The following LRP1B variants were observed in gnomAD, a reference collection of about 807,000 sequenced individuals.
LRP1B encodes the protein LDL receptor related protein 1B.
In LRP1B, 217 loss-of-function variants were observed where a neutral mutation model predicts 556.6. That is an observed-to-expected ratio of 0.39 (90% CI 0.35 to 0.44). The LOEUF (loss-of-function observed/expected upper bound fraction) is 0.44. LRP1B is among the 20% of genes least tolerant of loss of function. The probability of loss-of-function intolerance (pLI) is 1.00; values close to 1 mark genes in which losing one functional copy is unlikely to be tolerated. For synonymous variants in LRP1B, 2,047 were observed against 1,865.8 expected (o/e 1.10, Z -2.50); for missense variants, 5,053 against 5,620.8 (o/e 0.90, Z 3.23).
At chr2:140,670,732 T>C in intron 41 of LRP1B, among the ~76,000 whole-genome samples, 1 of 152,148 alleles carries the variant, frequency 6.6e-6, no homozygotes, top group East Asian at 1.9e-4. Context: ...GCAAAGAGAA[T>C]CCCTAGAATA....
intron 1 of LRP1B, among the ~76,000 whole-genome samples, chr2:141,899,692 AGTTTT>A (rs1194849997): frequency 6.6e-6 from 1 of 152,054 alleles, no homozygotes; most frequent in African/African-American, 2.4e-5. Flanking sequence ...CACATTCTTA[AGTTTT>A]TGTCTTTGGA....
At chr2:140,810,203 A>T (rs1439998235) in intron 32 of LRP1B, among the ~76,000 whole-genome samples, 2 of 151,744 alleles carry the variant, frequency 1.3e-5, no homozygotes, top group Non-Finnish European at 2.9e-5. Context: ...GTTCAAAGAG[A>T]TTTTTTTTAA....
At chr2:142,121,817 C>T (rs963274900) in intron 1 of LRP1B, among the ~76,000 whole-genome samples, 6 of 152,116 alleles carry the variant, frequency 3.9e-5, no homozygotes, top group African/African-American at 1.4e-4. Context: ...CACTTATTTG[C>T]TCATCTTTGT....
At chr2:140,562,643 C>T (rs1382825954) in intron 43 of LRP1B, among the ~76,000 whole-genome samples, 1 of 151,818 alleles carries the variant, frequency 6.6e-6, no homozygotes, top group Non-Finnish European at 1.5e-5. Context: ...TATTTTGAGA[C>T]ACAGTCTTGC....
chr2:142,025,124 T>C (rs919996616), intron 1 of LRP1B, among the ~76,000 whole-genome samples: 1 of 152,122 alleles, frequency 6.6e-6, no homozygotes, highest in African/African-American at 2.4e-5. Context: ...CTGGGTACCA[T>C]GATTATCTTG....
chr2:140,318,562 CTA>C (rs1330008115), intron 82 of LRP1B, among the ~76,000 whole-genome samples: 2 of 152,038 alleles, frequency 1.3e-5, no homozygotes, highest in African/African-American at 2.4e-5. Context: ...TTTTAAAGGG[CTA>C]TGTGTCTACT....
At chr2:141,522,718 T>G (rs944486903) in intron 2 of LRP1B, among the ~76,000 whole-genome samples, 1 of 152,148 alleles carries the variant, frequency 6.6e-6, no homozygotes, top group African/African-American at 2.4e-5. Context: ...GGTGGCTTAA[T>G]GGAGGTAAAG....
intron 82 of LRP1B, among the ~76,000 whole-genome samples, chr2:140,319,004 G>A (rs1051876875): frequency 1.3e-5 from 2 of 152,054 alleles, no homozygotes; most frequent in Admixed American, 6.6e-5. Flanking sequence ...ACCAAGGGAC[G>A]CAGGTATAGA....
chr2:141,537,293 T>A (rs1014816605), intron 2 of LRP1B, among the ~76,000 whole-genome samples: 12 of 152,030 alleles, frequency 7.9e-5, no homozygotes, highest in Admixed American at 5.9e-4. Context: ...ATCTCAATGG[T>A]TTATATGAAT....
chr2:141,810,123 A>AAGAAAG, intron 2 of LRP1B, among the ~76,000 whole-genome samples, 156 bp downstream of exon 2: 1 of 109,238 alleles, frequency 9.2e-6, no homozygotes, highest in Non-Finnish European at 2.0e-5. Flanking sequence ...AAAAGAAAGA[A>AAGAAAG]AGAAAGAAAG....
intron 17 of LRP1B, among the ~76,000 whole-genome samples, chr2:140,984,049 A>G (rs2105346099): frequency 6.6e-6 from 1 of 151,934 alleles, no homozygotes; most frequent in Non-Finnish European, 1.5e-5. Context: ...TGCTGAGAAA[A>G]AAACTATATA....
At chr2:142,100,873 C>G (rs1574684910) in intron 1 of LRP1B, among the ~76,000 whole-genome samples, 1 of 151,850 alleles carries the variant, frequency 6.6e-6, no homozygotes, top group Admixed American at 6.6e-5. Flanking sequence ...TCCCCACACA[C>G]GTTTCCCCTT....
intron 66 of LRP1B, among the ~76,000 whole-genome samples, chr2:140,397,445 T>C (rs902076183): frequency 2.2e-4 from 33 of 152,166 alleles, no homozygotes; most frequent in African/African-American, 7.7e-4. Flanking sequence ...CCTTGGAAAG[T>C]GGCACTTATT....
At chr2:140,317,754 AT>A (rs892462095) in intron 82 of LRP1B, among the ~76,000 whole-genome samples, 14 of 152,084 alleles carry the variant, frequency 9.2e-5, no homozygotes, top group Non-Finnish European at 1.9e-4. Context: ...TGGGGTACTC[AT>A]TTTTACCTGT....
intron 2 of LRP1B, among the ~76,000 whole-genome samples, chr2:141,714,619 C>T (rs1268722291): frequency 6.6e-6 from 1 of 151,934 alleles, no homozygotes; most frequent in African/African-American, 2.4e-5. Flanking sequence ...CAAGTTGTTG[C>T]TTCAGGCCTC....
At chr2:141,893,871 T>A (rs1026279879) in intron 1 of LRP1B, among the ~76,000 whole-genome samples, 8 of 152,246 alleles carry the variant, frequency 5.3e-5, no homozygotes, top group African/African-American at 1.9e-4. Flanking sequence ...ATCTGTATTA[T>A]AATGAAAGAT....
At chr2:140,956,405 A>C (rs1458447213) in intron 18 of LRP1B, among the ~76,000 whole-genome samples, 2 of 151,788 alleles carry the variant, frequency 1.3e-5, no homozygotes, top group Non-Finnish European at 3.0e-5. Context: ...AGGAATTAAA[A>C]ATTTAATTCT....
At chr2:140,277,265 T>A (rs1044820268) in intron 84 of LRP1B, among the ~76,000 whole-genome samples, 1 of 151,942 alleles carries the variant, frequency 6.6e-6, no homozygotes, top group African/African-American at 2.4e-5. Flanking sequence ...TAAGTAATTT[T>A]GTGCATAAAT....
intron 42 of LRP1B, among the ~76,000 whole-genome samples, chr2:140,599,697 A>G (rs1371744207): frequency 6.6e-6 from 1 of 152,178 alleles, no homozygotes; most frequent in Non-Finnish European, 1.5e-5. Flanking sequence ...GTAAAGTATT[A>G]AACTCACAAT....
Sources: allele counts gnomAD v4.1 joint callset (sites outside exome capture counted in the v4.1 genomes callset), GRCh38; gene constraint gnomAD v4.1.1; transcripts MANE v1.5; gene names NCBI Gene and HGNC (gene_info 2026-07-23, HGNC 2026-07-21).